The following SERF2 variants were observed in gnomAD, a reference collection of about 807,000 sequenced individuals.
The protein encoded by SERF2 is small EDRK-rich factor 2.
SERF2 carries 4 observed loss-of-function variants against 10.7 expected under a neutral mutation model. That is an observed-to-expected ratio of 0.37 (90% CI 0.18 to 0.86). The LOEUF is 0.86. Among genes scored for constraint, SERF2 ranks in the 40% least tolerant of loss-of-function variants. The pLI is 0.43. For synonymous variants in SERF2, 26 were observed against 26.0 expected, an observed-to-expected ratio of 1.00 and a Z score of 0.01; for missense variants, 47 against 79.1, an observed-to-expected ratio of 0.59 and a Z score of 1.54.
At chr15:43,789,165 AAAAGT>A (rs1386184768), upstream of SERF2, among the ~76,000 whole-genome samples, 1 of 150,924 alleles carries the variant, frequency 6.6e-6, no homozygotes, top group Non-Finnish European at 1.5e-5. Context: ...AAAAAAAAAG[AAAAGT>A]ACACTAAATG....
intron 2 of SERF2, chr15:43,793,450 G>T: frequency 1.1e-6 from 1 of 940,850 alleles, no homozygotes; most frequent in South Asian, 1.8e-5. Flanking sequence ...GTGTTGCTGG[G>T]TGTGGTCCTC....
intron 2 of SERF2, among the ~76,000 whole-genome samples, chr15:43,785,704 CTTTTTTTT>C (rs71415810): frequency 8.2e-6 from 1 of 122,676 alleles, no homozygotes; most frequent in Admixed American, 8.7e-5. Flanking sequence ...TTTTCTTTTT[CTTTTTTTT>C]TTTTTTTTTT....
chr15:43,777,964 ATTT>A (rs35356771), intron 1 of SERF2: 154 of 126,008 alleles, frequency 1.2e-3, no homozygotes, highest in African/African-American at 3.4e-3. Flanking sequence ...AAAAAAATAC[ATTT>A]TTTTTTTTTT....
upstream of SERF2, among the ~76,000 whole-genome samples, chr15:43,790,273 C>T (rs964982571): frequency 6.6e-6 from 1 of 151,164 alleles, no homozygotes; most frequent in Non-Finnish European, 1.5e-5. Flanking sequence ...GCATACCACT[C>T]CAGCCTCCAG....
chr15:43,792,296 G>A (rs1211103288), upstream of SERF2: 3 of 1,235,124 alleles, frequency 2.4e-6, no homozygotes, highest in Admixed American at 3.4e-5. Flanking sequence ...ACTGTGCTAC[G>A]TTGCCAGAAG....
chr15:43,785,055 TA>T (rs1415081946), intron 1 of SERF2, among the ~76,000 whole-genome samples: 3 of 136,616 alleles, frequency 2.2e-5, no homozygotes, highest in Non-Finnish European at 3.1e-5. Context: ...GCTCTGCCAT[TA>T]TTTATTTATT....
chr15:43,794,590 C>T lies in SERF2; in HGVS notation c.*817C>T, dbSNP rs1167175339. On this transcript the variant is annotated 3_prime_UTR_variant, in exon 3 of 3. Transcript: ENST00000249786. ...CCCTGGTTTGTTCTGTGGTTCTGGG[C>T]TTCTTATATCCGTGTGCCCAGGGCT... The T allele has an allele frequency of 1.2e-5, 2 of 172,738 alleles. No individual in the cohort carries two copies. Among genetic ancestry groups the T allele is most frequent in the East Asian group, 3.2e-4 (2 of 6,336 alleles). The allele number at this position is 172,738 out of a possible 1,614,324, so 10.7% of individuals were successfully genotyped here. A position where few individuals can be genotyped will look rare whatever the true frequency, so the allele number is the denominator to read the frequency against.
chr15:43,792,169 C>T, upstream of SERF2: 1 of 611,846 alleles, frequency 1.6e-6, no homozygotes, highest in Non-Finnish European at 3.0e-6. Flanking sequence ...AGCGCTCCGC[C>T]TGCGACCCTC....
chr15:43,792,221 A>T, upstream of SERF2: 1 of 689,266 alleles, frequency 1.5e-6, no homozygotes, highest in Non-Finnish European at 2.6e-6. Context: ...CCGTGGATCC[A>T]CGTGCTTTTT....
chr15:43,787,295 G>A (rs1042263357), intron 2 of SERF2, among the ~76,000 whole-genome samples: 6 of 151,502 alleles, frequency 4.0e-5, no homozygotes, highest in Admixed American at 1.3e-4. Context: ...CACCACGCCC[G>A]GCCAGGCCTG....
At chr15:43,792,272 G>A, upstream of SERF2, 1 of 1,012,190 alleles carries the variant, frequency 9.9e-7, no homozygotes, top group Non-Finnish European at 1.6e-6. Context: ...GAAGGGGCGG[G>A]GAGGAAAGGA....
chr15:43,790,250 C>T (rs1199759959), upstream of SERF2, among the ~76,000 whole-genome samples: 2 of 151,292 alleles, frequency 1.3e-5, no homozygotes, highest in African/African-American at 2.4e-5. Flanking sequence ...GTGGAGGTTG[C>T]AGTGAGCCGA....
intron 2 of SERF2, among the ~76,000 whole-genome samples, chr15:43,787,190 G>A (rs972952447): frequency 6.6e-6 from 1 of 151,876 alleles, no homozygotes. Context: ...TAGTAGAGAC[G>A]GGGTTTCACC....
chr15:43,795,339 T>G lies in SERF2; in HGVS notation c.*1566T>G, dbSNP rs2087183998. On this transcript the variant is annotated 3_prime_UTR_variant, in exon 3 of 3. Coordinates refer to ENST00000249786, the MANE Select transcript of SERF2 (RefSeq NM_001018108.4). The stretch of plus-strand genomic sequence containing the variant: ...GAATGGCCTTGAATTGCTCTTTCCT[T>G]AAAATAGCTAGCTCTTCAGGAGAGT... The G allele has an allele frequency of 6.2e-6, 10 of 1,608,550 alleles. No individual in the cohort carries two copies. Among genetic ancestry groups the G allele is most frequent in the Admixed American group, 1.7e-5 (1 of 59,890 alleles).
At chr15:43,777,147 C>T in exon 1 of SERF2, 2 of 687,550 alleles carry the variant, frequency 2.9e-6, no homozygotes, top group Non-Finnish European at 5.4e-6. Flanking sequence ...CCGCATGAAT[C>T]GCTTTGGGCT....
At position 43,795,043 on chromosome 15, in the gene SERF2, C is replaced by T. The variant is rs754483746; in HGVS notation, c.*1270C>T. 46 of 1,609,254 alleles carry T rather than the reference C, an allele frequency of 2.9e-5. No homozygotes were observed. In the East Asian group the frequency reaches 3.3e-4, roughly 12 times the overall value. On this transcript the variant is annotated 3_prime_UTR_variant, in exon 3 of 3. Coordinates refer to ENST00000249786, the MANE Select transcript of SERF2 (RefSeq NM_001018108.4). ...GTTATCTGGGGATATGATGCGGTGG[C>T]GGCGGCGCCTCAAGATAAGGGGCTG...
At chr15:43,789,529 C>T (rs2087035445), upstream of SERF2, among the ~76,000 whole-genome samples, 1 of 152,204 alleles carries the variant, frequency 6.6e-6, no homozygotes, top group Non-Finnish European at 1.5e-5. Flanking sequence ...GTACTCCCTT[C>T]ATAGCACCAG....
In SERF2 at chr15:43,795,079, G is replaced by A; in HGVS notation, c.*1306G>A. On this transcript the variant is annotated 3_prime_UTR_variant, in exon 3 of 3. Transcript: ENST00000249786. The stretch of plus-strand genomic sequence containing the variant: ...CAAGATAAGGGGCTGGGGTTTCTGG[G>A]TGGGGGGCCAACAGAGTGGTGCCAG... The A allele has an allele frequency of 6.2e-7, 1 of 1,613,662 alleles. No homozygotes were observed. The highest frequency in any genetic ancestry group is 8.5e-7 in the Non-Finnish European group (1 of 1,180,002).
chr15:43,793,505 C>T (rs183875868), intron 2 of SERF2: 9 of 1,433,420 alleles, frequency 6.3e-6, no homozygotes, highest in Admixed American at 2.8e-5. Context: ...AGACTTCTGA[C>T]CCCTTGGGCA....
Sources: allele counts gnomAD v4.1 joint callset (sites outside exome capture counted in the v4.1 genomes callset), GRCh38; gene constraint gnomAD v4.1.1; transcripts MANE v1.5; gene names NCBI Gene and HGNC (gene_info 2026-07-23, HGNC 2026-07-21).